The following STAG1 variants were observed in gnomAD, a reference collection of about 807,000 sequenced individuals.
STAG1 encodes cohesin subunit SA-1.
A neutral mutation model predicts 170.9 loss-of-function variants in STAG1; 26 were observed. The observed-to-expected ratio is 0.15, with a 90% CI of 0.11 to 0.21. The LOEUF (loss-of-function observed/expected upper bound fraction) is 0.21. STAG1 is among the 10% of genes least tolerant of loss of function. The pLI, the probability that STAG1 is intolerant of heterozygous loss-of-function variation, is 1.00. For missense variants in STAG1, 964 were observed against 1,509.5 expected, an observed-to-expected ratio of 0.64 and a Z score of 5.99; for synonymous variants, 514 against 497.7, an observed-to-expected ratio of 1.03 and a Z score of -0.44.
At chr3:136,359,001 C>T (rs187938067) in intron 27 of STAG1, 147 bp downstream of exon 27, 1 of 664,306 alleles carries the variant, frequency 1.5e-6, no homozygotes, top group African/African-American at 1.9e-5. Flanking sequence ...TTAAAAACAT[C>T]CTCCCAGTTT....
In STAG1 at chr3:136,533,700, G is replaced by T. The variant is rs368921935; in HGVS notation, c.471+8419C>A. ...CCACTCACGAGGTATCTGTCCCCAT[G>T]ACCCAAACACTTCCCACCAGGCCCC... On this transcript the variant is annotated intron_variant, in intron 6 of 33. Transcript: ENST00000383202. Among the ~76,000 whole-genome samples, 8 of 152,272 alleles carry T rather than the reference G, an allele frequency of 5.3e-5. No homozygotes were observed. The East Asian group carries it at 1.2e-3, about 22-fold the overall frequency.
At position 136,497,853 on chromosome 3, in the gene STAG1, C is replaced by CA. The variant is rs72492781; in HGVS notation, c.902+2369dup. ...CTGGGCAACAGAGCGAGACTCATCT[C>CA]AAAAAAAAAAAAAATTCCTCAATCT... On this transcript the variant is annotated intron_variant, in intron 9 of 33. Transcript: ENST00000383202. 2.9e-3 allele frequency among the ~76,000 whole-genome samples: 350 copies of CA among 121,178 alleles called. 1 individual carries two copies. Among genetic ancestry groups the CA allele is most frequent in the Admixed American group, 4.2e-3 (48 of 11,478 alleles). The allele number at this position is 121,178 out of a possible 152,430, so 79.5% of individuals were successfully genotyped here. A position where few individuals can be genotyped will look rare whatever the true frequency, so the allele number is the denominator to read the frequency against.
chr3:136,446,426 A>T (rs1469139171), intron 14 of STAG1, among the ~76,000 whole-genome samples: 19 of 150,320 alleles, frequency 1.3e-4, no homozygotes, highest in Admixed American at 8.6e-4. Flanking sequence ...GTTTTTTTTT[A>T]AATTATTTTA....
intron 22 of STAG1, among the ~76,000 whole-genome samples, chr3:136,385,717 A>G (rs950782409): frequency 6.6e-6 from 1 of 152,108 alleles, no homozygotes. Context: ...GAAACCTCTT[A>G]AAGAGACAGG....
intron 1 of STAG1, among the ~76,000 whole-genome samples, chr3:136,673,480 A>G (rs1006161417): frequency 3.3e-5 from 5 of 152,216 alleles, no homozygotes; most frequent in Admixed American, 1.3e-4. Context: ...AAGGAGCTTC[A>G]TGAAGGTTTA....
At chr3:136,415,200 C>CT (rs2087736604) in intron 21 of STAG1, among the ~76,000 whole-genome samples, 1 of 151,790 alleles carries the variant, frequency 6.6e-6, no homozygotes, top group South Asian at 2.1e-4. Context: ...TGCCACAAAC[C>CT]TTCAATTTGA....
intron 9 of STAG1, among the ~76,000 whole-genome samples, chr3:136,497,611 C>A (rs553888598): frequency 6.6e-6 from 1 of 152,010 alleles, no homozygotes; most frequent in South Asian, 2.1e-4. Context: ...GAGGCCGAGG[C>A]GGGCGGATCA....
intron 13 of STAG1, among the ~76,000 whole-genome samples, chr3:136,460,575 C>A (rs1417814444): frequency 1.3e-5 from 2 of 151,824 alleles, no homozygotes; most frequent in African/African-American, 4.8e-5. Flanking sequence ...GTACTCCAGC[C>A]AGGACAACAA....
intron 23 of STAG1, among the ~76,000 whole-genome samples, chr3:136,370,479 T>C (rs1039959769): frequency 6.6e-6 from 1 of 152,274 alleles, no homozygotes; most frequent in Admixed American, 6.5e-5. Flanking sequence ...CATTTAGCAT[T>C]AGGTGTATCT....
chr3:136,635,333 A>G (rs527273021), intron 1 of STAG1, among the ~76,000 whole-genome samples: 1 of 152,304 alleles, frequency 6.6e-6, no homozygotes, highest in South Asian at 2.1e-4. Flanking sequence ...ATCAATTAAT[A>G]TAATACATCA....
rs939518880 is a variant in STAG1, at chr3:136,562,120, T to C, written c.394+6645A>G. On this transcript the variant is annotated intron_variant, in intron 5 of 33. Coordinates refer to ENST00000383202, the MANE Select transcript of STAG1 (RefSeq NM_005862.3). ...ATAAGATATAACAATTGATACTACA[T>C]GTATGTTCTAATCCACAGAACTAAT... Among the ~76,000 whole-genome samples the C allele has an allele frequency of 2.9e-4, 44 of 152,330 alleles. 1 individual carries two copies. Among genetic ancestry groups the C allele is most frequent in the African/African-American group, 1.0e-3 (43 of 41,584 alleles).
rs1282335843 is a variant in STAG1, at chr3:136,337,329, CTG to C, written c.*923_*924del. On this transcript the variant is annotated 3_prime_UTR_variant, in exon 34 of 34. Transcript: ENST00000383202. ...TTGATTATCTTAAGAAAATGGAAGT[CTG>C]TGTAACTTGAATTTGGCAGGGCATG... 1 of 152,554 alleles carries C rather than the reference CTG, an allele frequency of 6.6e-6. No homozygotes were observed. The highest frequency in any genetic ancestry group is 1.5e-5 in the Non-Finnish European group (1 of 68,030). The allele number at this position is 152,554 out of a possible 1,614,324, so 9.5% of individuals were successfully genotyped here.
intron 13 of STAG1, among the ~76,000 whole-genome samples, chr3:136,453,578 G>A (rs1435423331): frequency 4.3e-5 from 6 of 140,826 alleles, no homozygotes; most frequent in Admixed American, 1.4e-4. Context: ...GTGACAGAGC[G>A]AGACTATGTC....
rs536961676 is a variant in STAG1, at chr3:136,583,179, A to T, written c.298-14318T>A. 5.9e-5 allele frequency among the ~76,000 whole-genome samples: 9 copies of T among 152,282 alleles called. No individual in the cohort carries two copies. In the South Asian group the frequency reaches 1.7e-3, roughly 28 times the overall value. On this transcript the variant is annotated intron_variant, in intron 4 of 33. Coordinates refer to ENST00000383202, the MANE Select transcript of STAG1 (RefSeq NM_005862.3). ...ACACAATTTAAAAGAAGATTAAATT[A>T]AAAAATTAATTCAGGGTAAGGGATA...
intron 5 of STAG1, among the ~76,000 whole-genome samples, chr3:136,554,584 CATG>C (rs1192452537): frequency 1.3e-5 from 2 of 152,162 alleles, no homozygotes; most frequent in Non-Finnish European, 2.9e-5. Context: ...AGAAAACTCT[CATG>C]CTTGAAAATT....
At chr3:136,426,507 AT>A (rs1237737116) in intron 16 of STAG1, among the ~76,000 whole-genome samples, 1 of 152,252 alleles carries the variant, frequency 6.6e-6, no homozygotes, top group Admixed American at 6.5e-5. Flanking sequence ...GATGTATAAA[AT>A]ATATGTAGAT....
At chr3:136,459,652 T>G (rs186179063) in intron 13 of STAG1, among the ~76,000 whole-genome samples, 2 of 152,330 alleles carry the variant, frequency 1.3e-5, no homozygotes, top group African/African-American at 4.8e-5. Flanking sequence ...AAATATTGAA[T>G]GCATATTGAG....
intron 14 of STAG1, among the ~76,000 whole-genome samples, chr3:136,450,395 A>T (rs1250763843): frequency 2.0e-5 from 3 of 152,152 alleles, no homozygotes; most frequent in African/African-American, 7.2e-5. Flanking sequence ...TCTTTACTCA[A>T]ATTCAACTCT....
intron 28 of STAG1, among the ~76,000 whole-genome samples, chr3:136,354,770 CA>C (rs1214257475): frequency 6.9e-5 from 2 of 29,102 alleles, no homozygotes; most frequent in Admixed American, 4.6e-4. Context: ...AAAAAAAAAC[CA>C]AAAAACAAAA....
Sources: allele counts gnomAD v4.1 joint callset (sites outside exome capture counted in the v4.1 genomes callset), GRCh38; gene constraint gnomAD v4.1.1; transcripts MANE v1.5; gene names NCBI Gene and HGNC (gene_info 2026-07-23, HGNC 2026-07-21).